The following BDKRB2 variants were observed in gnomAD, a reference collection of about 807,000 sequenced individuals.
BDKRB2 encodes the protein bradykinin receptor B2.
Under a neutral mutation model 4.0 loss-of-function variants are expected in BDKRB2, and 6 were observed. That is an observed-to-expected ratio of 1.49 (90% confidence interval 0.81 to 2.93). The LOEUF (loss-of-function observed/expected upper bound fraction) is 2.93. Ranked by LOEUF, BDKRB2 falls within the 30% of genes most tolerant of loss-of-function variation. The pLI, the probability that BDKRB2 is intolerant of heterozygous loss-of-function variation, is 0.00. For synonymous variants in BDKRB2, 225 were observed against 215.3 expected (o/e 1.05, Z -0.40); for missense variants, 478 against 520.1 (o/e 0.92, Z 0.79).
intron 1 of BDKRB2, among the ~76,000 whole-genome samples, chr14:96,232,379 C>A (rs925615430): frequency 3.9e-5 from 6 of 152,236 alleles, no homozygotes; most frequent in Non-Finnish European, 8.8e-5. Flanking sequence ...GCTGGCTTCC[C>A]GTCCGTAATG....
In BDKRB2 at chr14:96,208,941, G is replaced by A. The variant is rs565410018; in HGVS notation, c.-40+3982G>A. 3.0e-4 allele frequency among the ~76,000 whole-genome samples: 46 copies of A among 152,332 alleles called. No homozygotes were observed. The South Asian group carries it at 3.1e-3, about 10-fold the overall frequency. ...ATGAGCAGTGCCTGAGGGGACGCCCGTGGGGTGTTGTGACCTGTACAGTGC... is the reference window on the plus strand; with the variant it reads ...ATGAGCAGTGCCTGAGGGGACGCCCATGGGGTGTTGTGACCTGTACAGTGC... On this transcript the variant is annotated intron_variant, in intron 1 of 2. Coordinates refer to ENST00000554311, the MANE Select transcript of BDKRB2 (RefSeq NM_001379692.1).
At chr14:96,237,752 C>T in intron 2 of BDKRB2, 1 of 1,289,770 alleles carries the variant, frequency 7.8e-7, no homozygotes. Context: ...ATGGCCATCT[C>T]AGCTGGGGCC....
intron 1 of BDKRB2, among the ~76,000 whole-genome samples, chr14:96,236,279 T>A (rs1187956907): frequency 2.6e-5 from 4 of 152,184 alleles, no homozygotes; most frequent in East Asian, 3.9e-4. Context: ...AGTGCTCCAG[T>A]CCAGACCCCT....
At chr14:96,226,246 C>T (rs946889478) in intron 1 of BDKRB2, among the ~76,000 whole-genome samples, 2 of 152,240 alleles carry the variant, frequency 1.3e-5, no homozygotes, top group East Asian at 3.8e-4. Context: ...TCTCCACCCC[C>T]ACTACCCCTC....
At chr14:96,230,957 T>C (rs1271691900) in intron 1 of BDKRB2, among the ~76,000 whole-genome samples, 1 of 149,848 alleles carries the variant, frequency 6.7e-6, no homozygotes, top group Non-Finnish European at 1.5e-5. Context: ...GAGAGAGATG[T>C]TATTTTTTTT....
chr14:96,233,461 A>G (rs993203124), intron 1 of BDKRB2: 4 of 152,340 alleles, frequency 2.6e-5, no homozygotes, highest in Admixed American at 1.3e-4. Context: ...CAGTGTCCCC[A>G]GTGCTCGGAG....
intron 2 of BDKRB2, chr14:96,238,888 G>T: frequency 1.0e-6 from 1 of 986,554 alleles, no homozygotes; most frequent in African/African-American, 1.7e-5. Flanking sequence ...GCAGGGGCCG[G>T]GTGGTGTCTT....
chr14:96,230,002 C>T (rs989320334), intron 1 of BDKRB2, among the ~76,000 whole-genome samples: 8 of 151,638 alleles, frequency 5.3e-5, no homozygotes, highest in Non-Finnish European at 1.2e-4. Flanking sequence ...GGTGTGGTGG[C>T]GGGCGCCTGT....
At position 96,204,873 on chromosome 14, in the gene BDKRB2, TGGGGACGG is replaced by T; in HGVS notation, c.-125_-118del. The T allele has an allele frequency of 2.4e-5, 2 of 84,286 alleles. No individual in the cohort carries two copies. The highest frequency in any genetic ancestry group is 2.7e-4 in the Admixed American group (1 of 3,756). 5.2% of individuals were successfully genotyped at this position (84,286 alleles called of 1,614,324 possible). On this transcript the variant is annotated 5_prime_UTR_variant, in exon 1 of 3. Coordinates refer to ENST00000554311, the MANE Select transcript of BDKRB2 (RefSeq NM_001379692.1). ...CTGGCTTCTGGGCTCCGAGGAGGGGTGGGGACGGTGGGGACGGTGGGGACATCAGGCTG... is the reference window on the plus strand; with the variant it reads ...CTGGCTTCTGGGCTCCGAGGAGGGGTTGGGGACGGTGGGGACATCAGGCTG...
intron 1 of BDKRB2, among the ~76,000 whole-genome samples, chr14:96,213,941 G>A (rs530648615): frequency 1.3e-5 from 2 of 152,346 alleles, no homozygotes; most frequent in East Asian, 1.9e-4. Context: ...AGCAAAGGTC[G>A]AGAGGTGGGA....
chr14:96,210,410 G>A (rs541896891), intron 1 of BDKRB2, among the ~76,000 whole-genome samples: 2 of 152,334 alleles, frequency 1.3e-5, no homozygotes, highest in South Asian at 4.1e-4. Flanking sequence ...AGGTTAGGCA[G>A]AAGGAGGCCT....
intron 1 of BDKRB2, among the ~76,000 whole-genome samples, chr14:96,208,043 C>T (rs1475273023): frequency 6.6e-6 from 1 of 152,182 alleles, no homozygotes; most frequent in African/African-American, 2.4e-5. Context: ...TGTTTAAAAG[C>T]TCTTCCTCCA....
chr14:96,205,644 G>A (rs1057083131), intron 1 of BDKRB2, among the ~76,000 whole-genome samples: 26 of 152,114 alleles, frequency 1.7e-4, no homozygotes, highest in African/African-American at 4.1e-4. Context: ...CTTTGCATCC[G>A]GCCCAGGTTG....
intron 1 of BDKRB2, among the ~76,000 whole-genome samples, chr14:96,212,612 G>A (rs1288862322): frequency 6.6e-6 from 1 of 152,166 alleles, no homozygotes; most frequent in Non-Finnish European, 1.5e-5. Context: ...ATAAGTTGAT[G>A]GCAGAGATCA....
At chr14:96,211,626 C>CTCTGTGAA (rs1890305333) in intron 1 of BDKRB2, among the ~76,000 whole-genome samples, 1 of 152,136 alleles carries the variant, frequency 6.6e-6, no homozygotes, top group Non-Finnish European at 1.5e-5. Context: ...GGGAGATGGA[C>CTCTGTGAA]TCTGTGAAGA....
chr14:96,219,285 G>C (rs909792146), intron 1 of BDKRB2, among the ~76,000 whole-genome samples: 1 of 152,154 alleles, frequency 6.6e-6, no homozygotes, highest in Non-Finnish European at 1.5e-5. Flanking sequence ...CTAGGTGACA[G>C]AGCGAGACTC....
At chr14:96,230,967 T>C (rs1218176118) in intron 1 of BDKRB2, among the ~76,000 whole-genome samples, 3 of 151,814 alleles carry the variant, frequency 2.0e-5, no homozygotes, top group Admixed American at 6.5e-5. Flanking sequence ...TTATTTTTTT[T>C]AAGGGGAATG....
At chr14:96,232,363 C>T (rs745407529) in intron 1 of BDKRB2, among the ~76,000 whole-genome samples, 6 of 152,242 alleles carry the variant, frequency 3.9e-5, no homozygotes, top group Non-Finnish European at 5.9e-5. Context: ...TCGGCCTAAC[C>T]GCCAGGCTGG....
intron 2 of BDKRB2, 151 bp downstream of exon 2, chr14:96,237,332 G>A: frequency 2.7e-6 from 2 of 733,428 alleles, no homozygotes; most frequent in East Asian, 2.7e-5. Context: ...AGGTGTCCAA[G>A]TCCCTGTAGG....
Sources: allele counts gnomAD v4.1 joint callset (sites outside exome capture counted in the v4.1 genomes callset), GRCh38; gene constraint gnomAD v4.1.1; transcripts MANE v1.5; gene names NCBI Gene and HGNC (gene_info 2026-07-23, HGNC 2026-07-21).